KIAA1217: variants seen among roughly 807,000 people sequenced by gnomAD.
KIAA1217 encodes the protein KIAA1217.
A neutral mutation model predicts 163.9 loss-of-function variants in KIAA1217; 88 were observed. The observed-to-expected ratio is 0.54, with a 90% CI of 0.45 to 0.64. The LOEUF (loss-of-function observed/expected upper bound fraction) is 0.64, where lower values mean the gene tolerates loss of function less well. Among genes scored for constraint, KIAA1217 ranks in the 30% least tolerant of loss-of-function variants. The pLI is 0.00. For synonymous variants in KIAA1217, 903 were observed against 923.1 expected (o/e 0.98, Z 0.39); for missense variants, 2,372 against 2,475.0 (o/e 0.96, Z 0.88).
At chr10:24,345,328 G>A (rs532062161) in intron 2 of KIAA1217, among the ~76,000 whole-genome samples, 8 of 152,258 alleles carry the variant, frequency 5.3e-5, no homozygotes, top group East Asian at 1.9e-4. Flanking sequence ...GTAGGAATAC[G>A]GCAATATTTA....
At chr10:24,189,977 T>TAC (rs2066636546) in intron 2 of KIAA1217, among the ~76,000 whole-genome samples, 2 of 150,194 alleles carry the variant, frequency 1.3e-5, no homozygotes, top group African/African-American at 2.5e-5. Flanking sequence ...GCTGTGATCA[T>TAC]ACCACTGTGC....
chr10:24,467,748 A>C (rs575963323), intron 5 of KIAA1217, among the ~76,000 whole-genome samples: 11 of 152,176 alleles, frequency 7.2e-5, no homozygotes, highest in African/African-American at 2.4e-4. Flanking sequence ...TCAGTGGCAG[A>C]ATAAGGGACT....
chr10:23,738,829 C>CA (rs5783861), intron 1 of KIAA1217, among the ~76,000 whole-genome samples: 3 of 151,512 alleles, frequency 2.0e-5, no homozygotes, highest in Non-Finnish European at 4.4e-5. Flanking sequence ...ACAAAACAGG[C>CA]AAAAAAAGTC....
At chr10:23,909,506 C>T (rs1056997552) in intron 1 of KIAA1217, among the ~76,000 whole-genome samples, 2 of 150,298 alleles carry the variant, frequency 1.3e-5, no homozygotes, top group African/African-American at 2.5e-5. Context: ...GCATACCTTC[C>T]GAATCTAAAA....
intron 2 of KIAA1217, among the ~76,000 whole-genome samples, chr10:24,363,196 T>A (rs1426410152): frequency 6.6e-6 from 1 of 152,238 alleles, no homozygotes; most frequent in Middle Eastern, 3.2e-3. Context: ...TTTGAAGTAC[T>A]GTACGTGTGT....
chr10:24,533,199 G>C lies in KIAA1217; in HGVS notation c.3376G>C (p.Glu1126Gln). The C allele has an allele frequency of 6.2e-7, 1 of 1,611,984 alleles. No homozygotes were observed. Among genetic ancestry groups the C allele is most frequent in the Non-Finnish European group, 8.5e-7 (1 of 1,178,740 alleles). Reference protein sequence around the residue: ...TTSSSKDEEEEEEEGDKIMAE... With the variant: ...TTSSSKDEEEQEEEGDKIMAE... ...CTCCTCCTCAAAGGATGAGGAGGAA[G>C]AAGAAGAAGAAGGAGACAAAATAAT... The change falls in exon 16 of 21, where the codon GAA becomes CAA. Residue 1126 changes from glutamate (E) to glutamine (Q), a missense_variant. Physicochemically the swap from Glu to Gln is conservative, Grantham distance 29. Transcript: ENST00000376454.
chr10:24,123,930 A>G (rs1393919597), intron 2 of KIAA1217, among the ~76,000 whole-genome samples: 2 of 152,200 alleles, frequency 1.3e-5, no homozygotes, highest in Non-Finnish European at 2.9e-5. Context: ...GTTATATATT[A>G]GTATTCTGGG....
intron 1 of KIAA1217, among the ~76,000 whole-genome samples, chr10:23,899,890 T>C (rs1177354761): frequency 2.0e-5 from 3 of 152,100 alleles, no homozygotes; most frequent in African/African-American, 7.2e-5. Context: ...TCCAGTCTTC[T>C]TTGTTTTACT....
At chr10:24,384,908 C>T (rs2053809709) in intron 3 of KIAA1217, among the ~76,000 whole-genome samples, 1 of 152,176 alleles carries the variant, frequency 6.6e-6, no homozygotes. Context: ...TTAAATTTTG[C>T]ACTGGAGGTA....
intron 5 of KIAA1217, among the ~76,000 whole-genome samples, chr10:24,464,882 G>A (rs959709913): frequency 1.3e-5 from 2 of 152,168 alleles, no homozygotes; most frequent in African/African-American, 4.8e-5. Context: ...CTGGGGGACA[G>A]CCTGGCCCCA....
At chr10:24,501,778 T>A (rs1196825185) in intron 9 of KIAA1217, among the ~76,000 whole-genome samples, 28 of 116,946 alleles carry the variant, frequency 2.4e-4, no homozygotes, top group African/African-American at 8.6e-4. Context: ...AGACGTAGTC[T>A]CGCTTTGTCC....
At position 23,971,720 on chromosome 10, in the gene KIAA1217, G is replaced by A. The variant is rs536394897; in HGVS notation, c.-320-35505G>A. ...GGTCCTGCAAAGCTATCTCTTGTGG[G>A]GAAAATCTACATTATGTAGAGAATC... On this transcript the variant is annotated intron_variant, in intron 1 of 18. Transcript: ENST00000376462. Among the ~76,000 whole-genome samples the A allele has an allele frequency of 5.1e-4, 78 of 152,150 alleles. No homozygotes were observed. In the South Asian group the frequency reaches 0.013, roughly 26 times the overall value.
intron 1 of KIAA1217, among the ~76,000 whole-genome samples, chr10:24,217,526 A>G (rs1315415614): frequency 6.6e-6 from 1 of 152,218 alleles, no homozygotes; most frequent in African/African-American, 2.4e-5. Flanking sequence ...GGGTTAGAAG[A>G]CTGGAACAGG....
At position 24,306,112 on chromosome 10, in the gene KIAA1217, A is replaced by G. The variant is rs188845279; in HGVS notation, c.355-74757A>G. ...ACTGGTAAATGTCCAAGAAAAATAT[A>G]TCTTTTTGTTTTATCAGAAAATATA... On this transcript the variant is annotated intron_variant, in intron 2 of 20. Transcript: ENST00000376454. 2.4e-3 allele frequency among the ~76,000 whole-genome samples: 367 copies of G among 152,332 alleles called. 2 individuals carry two copies. Among genetic ancestry groups the G allele is most frequent in the Non-Finnish European group, 3.5e-3 (238 of 68,030 alleles).
intron 1 of KIAA1217, among the ~76,000 whole-genome samples, chr10:23,738,844 C>CT (rs1838950040): frequency 6.6e-6 from 1 of 152,072 alleles, no homozygotes. Context: ...AAAGTCCCTA[C>CT]TTTCATGGCG....
intron 2 of KIAA1217, among the ~76,000 whole-genome samples, chr10:24,123,893 G>A (rs2063375441): frequency 1.3e-5 from 2 of 152,232 alleles, no homozygotes; most frequent in Admixed American, 6.5e-5. Flanking sequence ...TTTGTCTAAC[G>A]TTACTGAGCC....
chr10:23,949,315 C>T (rs987189063), intron 1 of KIAA1217, among the ~76,000 whole-genome samples: 1 of 152,118 alleles, frequency 6.6e-6, no homozygotes, highest in African/African-American at 2.4e-5. Flanking sequence ...CTGGGAAACT[C>T]GGATGAGATT....
intron 2 of KIAA1217, among the ~76,000 whole-genome samples, chr10:24,224,086 C>T (rs1004976501): frequency 2.0e-5 from 3 of 152,178 alleles, no homozygotes; most frequent in Non-Finnish European, 2.9e-5. Flanking sequence ...GTCACCTTAA[C>T]TCCCTTCTAC....
chr10:23,722,148 A>G (rs908393264), intron 1 of KIAA1217, among the ~76,000 whole-genome samples: 6 of 152,222 alleles, frequency 3.9e-5, no homozygotes, highest in African/African-American at 1.4e-4. Flanking sequence ...AGTCAAAGTC[A>G]AGAAGAAAGT....
Sources: gnomAD v4.1 joint callset for allele counts (sites outside exome capture counted in the v4.1 genomes callset) on GRCh38, gnomAD v4.1.1 for gene constraint, MANE v1.5 for transcripts, NCBI Gene and HGNC (gene_info 2026-07-23, HGNC 2026-07-21) for gene names.